Variants in DOCK4 observed in about 807,000 individuals in gnomAD.
The protein encoded by DOCK4 is dedicator of cytokinesis 4.
DOCK4 carries 97 observed loss-of-function variants against 268.1 expected under a neutral mutation model. The observed-to-expected ratio is 0.36, with a 90% CI of 0.31 to 0.43. DOCK4 has a LOEUF of 0.43. Among genes scored for constraint, DOCK4 ranks in the 20% least tolerant of loss-of-function variants. The probability of loss-of-function intolerance (pLI) is 1.00; values close to 1 mark genes in which losing one functional copy is unlikely to be tolerated. For synonymous variants in DOCK4, 954 were observed against 887.2 expected (o/e 1.08, Z -1.34); for missense variants, 2,145 against 2,455.7 (o/e 0.87, Z 2.67).
intron 1 of DOCK4, among the ~76,000 whole-genome samples, chr7:112,198,741 G>C (rs1167999622): frequency 6.6e-6 from 1 of 152,026 alleles, no homozygotes; most frequent in Non-Finnish European, 1.5e-5. Flanking sequence ...TCTCATCTGT[G>C]CATCGACTGC....
intron 12 of DOCK4, among the ~76,000 whole-genome samples, chr7:111,930,761 T>A (rs1310455798): frequency 2.0e-5 from 3 of 152,170 alleles, no homozygotes; most frequent in African/African-American, 7.2e-5. Flanking sequence ...TCCCTTTCAA[T>A]AATGAAGCTG....
At chr7:111,839,647 T>C (rs537454084) in intron 25 of DOCK4, among the ~76,000 whole-genome samples, 2 of 152,216 alleles carry the variant, frequency 1.3e-5, no homozygotes, top group Admixed American at 6.5e-5. Context: ...TGGGCATTTA[T>C]GATGATTATT....
chr7:112,009,467 A>G (rs1801117901), intron 1 of DOCK4, among the ~76,000 whole-genome samples: 1 of 152,216 alleles, frequency 6.6e-6, no homozygotes. Context: ...AGAATTAAAT[A>G]TAAAATTTTA....
At position 111,728,385 on chromosome 7, in the gene DOCK4, C is replaced by T. The variant is rs1023846795; in HGVS notation, c.5817G>A (p.Ala1939=). The T allele has an allele frequency of 3.2e-6, 5 of 1,552,174 alleles. No individual in the cohort carries two copies. Among genetic ancestry groups the T allele is most frequent in the Non-Finnish European group, 4.4e-6 (5 of 1,148,572 alleles). Reference sequence around the variant, plus strand: ...GCGCTGCCAGAGGCTTGGGGGGCAGCGCGGGCGGCTCCGACGTGACGGGGA... The same window carrying T: ...GCGCTGCCAGAGGCTTGGGGGGCAGTGCGGGCGGCTCCGACGTGACGGGGA... ...LSIPVTSEPP[A]LPPKPLAARS... The change falls in exon 53 of 53, where the codon GCG becomes GCA. Residue 1939 remains alanine, a synonymous_variant. Transcript: ENST00000428084.
At chr7:111,968,395 C>T (rs190607972) in intron 8 of DOCK4, among the ~76,000 whole-genome samples, 2 of 75,746 alleles carry the variant, frequency 2.6e-5, no homozygotes, top group East Asian at 5.4e-4. Context: ...AAAAAGTGGG[C>T]GAAGGACATG....
chr7:111,828,365 C>T (rs1802560667), intron 26 of DOCK4, among the ~76,000 whole-genome samples: 1 of 152,118 alleles, frequency 6.6e-6, no homozygotes, highest in Non-Finnish European at 1.5e-5. Context: ...AGCAGTAACC[C>T]TGGAGGCATC....
At chr7:111,763,204 T>C (rs1797564529) in intron 39 of DOCK4, among the ~76,000 whole-genome samples, 2 of 152,300 alleles carry the variant, frequency 1.3e-5, no homozygotes, top group Admixed American at 6.5e-5. Context: ...TCTCTTGCCT[T>C]GGCCTCCCAA....
intron 2 of DOCK4, among the ~76,000 whole-genome samples, chr7:112,000,983 C>T (rs928237065): frequency 3.3e-5 from 5 of 152,162 alleles, no homozygotes; most frequent in South Asian, 2.1e-4. Context: ...TGACTACAAA[C>T]GCCAGACTCT....
chr7:111,979,829 T>C (rs993877663), intron 7 of DOCK4, among the ~76,000 whole-genome samples: 4 of 152,240 alleles, frequency 2.6e-5, no homozygotes, highest in African/African-American at 7.2e-5. Flanking sequence ...CCTTTACCGA[T>C]GCAATGAATC....
At chr7:112,166,797 A>G (rs899497745) in intron 1 of DOCK4, among the ~76,000 whole-genome samples, 1 of 152,144 alleles carries the variant, frequency 6.6e-6, no homozygotes, top group Admixed American at 6.6e-5. Context: ...AGTTGCATGG[A>G]ATAATAAATT....
intron 13 of DOCK4, among the ~76,000 whole-genome samples, chr7:111,908,829 G>C (rs1251509740): frequency 6.6e-6 from 1 of 152,078 alleles, no homozygotes; most frequent in African/African-American, 2.4e-5. Flanking sequence ...ATGGCTTCTA[G>C]CTTCATCCAT....
intron 1 of DOCK4, among the ~76,000 whole-genome samples, chr7:112,029,425 C>T (rs1329576431): frequency 6.6e-6 from 1 of 152,130 alleles, no homozygotes; most frequent in African/African-American, 2.4e-5. Flanking sequence ...AAATGAAAAT[C>T]CTAAACAGCC....
intron 12 of DOCK4, among the ~76,000 whole-genome samples, chr7:111,933,231 C>CGT (rs1157776312): frequency 7.2e-6 from 1 of 139,070 alleles, no homozygotes; most frequent in African/African-American, 2.7e-5. Flanking sequence ...CGTATATACA[C>CGT]ATATATACGT....
chr7:111,791,099 T>TATATATATATAA (rs1289561664), intron 30 of DOCK4, among the ~76,000 whole-genome samples: 1 of 137,468 alleles, frequency 7.3e-6, no homozygotes, highest in African/African-American at 2.8e-5. Context: ...TATATATATA[T>TATATATATATAA]AAAATAAATC....
chr7:112,023,153 T>A (rs774230671), intron 1 of DOCK4, among the ~76,000 whole-genome samples: 4 of 152,184 alleles, frequency 2.6e-5, no homozygotes, highest in Middle Eastern at 3.2e-3. Flanking sequence ...GGTCTTGAAC[T>A]CCTGACCCAC....
At chr7:112,050,180 G>A (rs1215022288) in intron 1 of DOCK4, among the ~76,000 whole-genome samples, 3 of 152,020 alleles carry the variant, frequency 2.0e-5, no homozygotes, top group African/African-American at 4.8e-5. Flanking sequence ...AATAAAATCT[G>A]GCACTTTCCC....
chr7:111,951,647 C>CA (rs35968911), intron 8 of DOCK4, among the ~76,000 whole-genome samples: 12,699 of 85,666 alleles, frequency 0.15, 852 homozygotes, highest in East Asian at 0.42. Flanking sequence ...CCATCGCTAC[C>CA]AAAAAAAAAA....
chr7:112,150,482 T>C (rs181166011), intron 1 of DOCK4, among the ~76,000 whole-genome samples: 1 of 152,274 alleles, frequency 6.6e-6, no homozygotes, highest in East Asian at 1.9e-4. Flanking sequence ...CCCCCACACG[T>C]AGTCCTGTGT....
At chr7:111,845,098 C>T (rs1243942448) in intron 24 of DOCK4, among the ~76,000 whole-genome samples, 1 of 152,076 alleles carries the variant, frequency 6.6e-6, no homozygotes, top group African/African-American at 2.4e-5. Flanking sequence ...CAATGGATAC[C>T]TGAGATACAA....
Sources: allele counts gnomAD v4.1 joint callset (sites outside exome capture counted in the v4.1 genomes callset), GRCh38; gene constraint gnomAD v4.1.1; transcripts MANE v1.5; gene names NCBI Gene and HGNC (gene_info 2026-07-23, HGNC 2026-07-21).